Variants in WDR20 observed in about 807,000 individuals in gnomAD.
WDR20 encodes the protein WD repeat domain 20.
In WDR20, 3 loss-of-function variants were observed where a neutral mutation model predicts 38.7. The observed-to-expected ratio is 0.08, with a 90% CI of 0.04 to 0.20. The LOEUF (loss-of-function observed/expected upper bound fraction) is 0.20, where lower values mean the gene tolerates loss of function less well. Ranked by LOEUF, WDR20 falls within the 10% of genes least tolerant of loss-of-function variation. WDR20 has a pLI of 1.00. For missense variants in WDR20, 559 were observed against 727.7 expected, an observed-to-expected ratio of 0.77 and a Z score of 2.67; for synonymous variants, 298 against 285.6, an observed-to-expected ratio of 1.04 and a Z score of -0.44.
intron 1 of WDR20, among the ~76,000 whole-genome samples, chr14:102,173,767 G>A (rs1008942827): frequency 1.2e-4 from 18 of 152,040 alleles, no homozygotes; most frequent in Non-Finnish European, 2.4e-4. Context: ...ATAACTAGCC[G>A]GGCGAGGTGA....
chr14:102,146,271 T>A (rs749215536), intron 1 of WDR20, among the ~76,000 whole-genome samples: 12 of 152,110 alleles, frequency 7.9e-5, no homozygotes, highest in Non-Finnish European at 1.8e-4. Context: ...TTTAAGCGAT[T>A]CTCCTGCCTC....
downstream of WDR20, chr14:102,215,125 C>T (rs191210661): frequency 9.3e-5 from 40 of 427,830 alleles, no homozygotes; most frequent in Non-Finnish European, 1.1e-4. Context: ...ATAGAACAGC[C>T]AGCCACCGGA....
chr14:102,212,826 T>C (rs768710797), downstream of WDR20: 40 of 1,338,034 alleles, frequency 3.0e-5, no homozygotes, highest in Non-Finnish European at 3.7e-5. Context: ...AATTTTTCAG[T>C]CTTTCAGCCT....
intron 1 of WDR20, among the ~76,000 whole-genome samples, chr14:102,147,343 C>G (rs1241211174): frequency 6.6e-6 from 1 of 152,182 alleles, no homozygotes; most frequent in Non-Finnish European, 1.5e-5. Flanking sequence ...GAGCCAAGAT[C>G]GTGCCAGTGC....
chr14:102,194,561 A>G, intron 1 of WDR20, among the ~76,000 whole-genome samples: 1 of 152,252 alleles, frequency 6.6e-6, no homozygotes, highest in East Asian at 1.9e-4. Flanking sequence ...TGCTGTAGAT[A>G]CATTTGAAAG....
chr14:102,168,831 T>C (rs1217753851), intron 1 of WDR20, among the ~76,000 whole-genome samples: 1 of 152,126 alleles, frequency 6.6e-6, no homozygotes, highest in African/African-American at 2.4e-5. Flanking sequence ...ACCACCCTAG[T>C]TTAAGGAAGC....
chr14:102,162,977 A>C (rs2059064375), intron 1 of WDR20, among the ~76,000 whole-genome samples: 1 of 152,194 alleles, frequency 6.6e-6, no homozygotes, highest in Non-Finnish European at 1.5e-5. Flanking sequence ...GAACTCACAG[A>C]CAGAGGCTTG....
chr14:102,149,598 T>G (rs1225079193), intron 1 of WDR20, among the ~76,000 whole-genome samples: 1 of 152,254 alleles, frequency 6.6e-6, no homozygotes, highest in Non-Finnish European at 1.5e-5. Context: ...GAGCGTAAGA[T>G]GTCCACTGCT....
At chr14:102,216,183 C>T (rs1567095710), downstream of WDR20, among the ~76,000 whole-genome samples, 2 of 152,210 alleles carry the variant, frequency 1.3e-5, no homozygotes, top group African/African-American at 4.8e-5. Context: ...ACTATCTGCA[C>T]TTTTTGTCTT....
intron 1 of WDR20, among the ~76,000 whole-genome samples, chr14:102,148,273 T>G (rs1238369315): frequency 2.0e-5 from 3 of 152,166 alleles, no homozygotes; most frequent in Admixed American, 6.5e-5. Context: ...ACAAGTTACC[T>G]TGGCTCTTGC....
chr14:102,195,176 T>C, intron 2 of WDR20, 56 bp downstream of exon 2: 1 of 1,575,104 alleles, frequency 6.3e-7, no homozygotes, highest in Non-Finnish European at 8.6e-7. Flanking sequence ...GATACATTCT[T>C]ACCGAGGGTA....
At chr14:102,151,097 T>A (rs148432047) in intron 1 of WDR20, among the ~76,000 whole-genome samples, 1 of 152,272 alleles carries the variant, frequency 6.6e-6, no homozygotes, top group East Asian at 1.9e-4. Flanking sequence ...CTGTGTACAG[T>A]TGGTGAGAGG....
rs1244198856 is a variant in WDR20, at chr14:102,210,218, T to C, written c.*338T>C. ...AACAATGACTTTAAAATGCTGAAATTAAAATTTATGCTTTAACTGGAATAT... is the reference window on the plus strand; with the variant it reads ...AACAATGACTTTAAAATGCTGAAATCAAAATTTATGCTTTAACTGGAATAT... On this transcript the variant is annotated 3_prime_UTR_variant, in exon 3 of 3. Transcript: ENST00000342702. The C allele has an allele frequency of 9.7e-7, 1 of 1,032,126 alleles. No homozygotes were observed. Among genetic ancestry groups the C allele is most frequent in the Non-Finnish European group, 1.2e-6 (1 of 859,820 alleles). The allele number at this position is 1,032,126 out of a possible 1,614,324, so 63.9% of individuals were successfully genotyped here.
At chr14:102,178,883 A>G (rs1336975038) in intron 1 of WDR20, 3 of 152,066 alleles carry the variant, frequency 2.0e-5, no homozygotes, top group Non-Finnish European at 4.4e-5. Flanking sequence ...GATACTTTGC[A>G]GAAGAGGGAG....
At chr14:102,139,833 A>G (rs2050240253), upstream of WDR20, 21 of 1,540,914 alleles carry the variant, frequency 1.4e-5, no homozygotes, top group South Asian at 6.1e-5. Context: ...AGGAAGAGGC[A>G]GGGGGTGGGG....
In WDR20 at chr14:102,222,563, C is replaced by T. The variant is rs1011621536; in HGVS notation, c.1693-267C>T. On this transcript the variant is annotated intron_variant, in intron 3 of 3. Transcript: ENST00000335263. The surrounding 1 kb of genome is among the most constrained non-coding windows in gnomAD (Gnocchi z 4.4). Reference sequence around the variant, plus strand: ...CAGGTGCTGAGAAACCACTGTCTCCCCCAAGGGCAAGGCCAGCCCTGCCCG... The same window carrying T: ...CAGGTGCTGAGAAACCACTGTCTCCTCCAAGGGCAAGGCCAGCCCTGCCCG... Among the ~76,000 whole-genome samples the T allele has an allele frequency of 6.6e-6, 1 of 152,182 alleles. No individual in the cohort carries two copies. Among genetic ancestry groups the T allele is most frequent in the African/African-American group, 2.4e-5 (1 of 41,444 alleles).
Position 102,143,759 on chromosome 14 carries a change from G to A in WDR20, c.249+3587G>A, listed in dbSNP as rs145328605. Among the ~76,000 whole-genome samples, 1,132 of 151,890 alleles carry A rather than the reference G, an allele frequency of 7.5e-3. 16 individuals carry two copies. The highest frequency in any genetic ancestry group is 0.026 in the African/African-American group (1,059 of 41,474). ...GGGGTTTCATCATATTGGCCAGGCT[G>A]GTCTCGAACTCCTGACCTCGTGATC... On this transcript the variant is annotated intron_variant, in intron 1 of 2. Coordinates refer to ENST00000342702, the MANE Select transcript of WDR20 (RefSeq NM_144574.4).
At chr14:102,223,137 A>G (rs1225517743) in exon 4 of WDR20, 1 of 357,450 alleles carries the variant, frequency 2.8e-6, no homozygotes, top group Non-Finnish European at 5.0e-6. Context: ...CTTGCTTTTT[A>G]CTCTAAAATT....
At position 102,209,420 on chromosome 14, in the gene WDR20, G is replaced by T. The variant is rs1407560376; in HGVS notation, c.1250G>T (p.Ser417Ile). Residue 417 changes from serine (S) to isoleucine (I), a missense_variant, in exon 3 of 3, where the codon AGT becomes ATT. By Grantham distance (142) the Ser-to-Ile change is moderately radical (BLOSUM62 -2). Transcript: ENST00000342702. The surrounding 1 kb of genome is among the most constrained non-coding windows in gnomAD (Gnocchi z 6.0). ...TSPPAGSNGN[S>I]VTTPGNSVPP... ...CCTCCTGCTGGAAGCAATGGGAACA[G>T]TGTTACAACACCCGGGAACTCTGTG... The T allele has an allele frequency of 6.2e-7, 1 of 1,614,074 alleles. No homozygotes were observed. The highest frequency in any genetic ancestry group is 8.5e-7 in the Non-Finnish European group (1 of 1,180,062).
Sources: allele counts gnomAD v4.1 joint callset (sites outside exome capture counted in the v4.1 genomes callset), GRCh38; gene constraint gnomAD v4.1.1; non-coding constraint Gnocchi (gnomAD v3.1); transcripts MANE v1.5; gene names NCBI Gene and HGNC (gene_info 2026-07-23, HGNC 2026-07-21).